The following ANKFN1 variants were observed in gnomAD, a reference collection of about 807,000 sequenced individuals.
ANKFN1 encodes ankyrin repeat and fibronectin type III domain containing 1, also known as ankyrin repeat and fibronectin type-III domain-containing protein 1.
Under a neutral mutation model 108.7 loss-of-function variants are expected in ANKFN1, and 74 were observed. The observed-to-expected ratio is 0.68, with a 90% CI of 0.56 to 0.83. ANKFN1 has a LOEUF of 0.83. Ranked by LOEUF, ANKFN1 falls within the 40% of genes least tolerant of loss-of-function variation. ANKFN1 has a pLI of 0.00. For synonymous variants in ANKFN1, 547 were observed against 516.2 expected (o/e 1.06, Z -0.81); for missense variants, 1,505 against 1,382.3 (o/e 1.09, Z -1.41).
chr17:56,211,975 A>G (rs1915051448), intron 1 of ANKFN1, among the ~76,000 whole-genome samples: 1 of 151,962 alleles, frequency 6.6e-6, no homozygotes, highest in Admixed American at 6.6e-5. Flanking sequence ...TTCTGAATTC[A>G]CTTACCAGTT....
chr17:56,264,378 C>A (rs1206319193), intron 3 of ANKFN1, among the ~76,000 whole-genome samples: 1 of 152,196 alleles, frequency 6.6e-6, no homozygotes, highest in Non-Finnish European at 1.5e-5. Flanking sequence ...ATCTTTTGTG[C>A]ATCACAAGCC....
intron 1 of ANKFN1, among the ~76,000 whole-genome samples, chr17:56,171,568 C>T (rs942090942): frequency 5.3e-5 from 8 of 152,234 alleles, no homozygotes; most frequent in African/African-American, 9.6e-5. Context: ...CCATAAACAG[C>T]GTGGGTGAAC....
At chr17:56,392,373 AC>A (rs1324997176) in intron 8 of ANKFN1, among the ~76,000 whole-genome samples, 1 of 152,180 alleles carries the variant, frequency 6.6e-6, no homozygotes, top group Non-Finnish European at 1.5e-5. Flanking sequence ...TATCCTGTTC[AC>A]GATGGCAAGC....
At chr17:56,385,706 A>G (rs1433303420) in intron 8 of ANKFN1, among the ~76,000 whole-genome samples, 1 of 152,242 alleles carries the variant, frequency 6.6e-6, no homozygotes, top group Non-Finnish European at 1.5e-5. Context: ...TGTAGCCAAA[A>G]AACACATGAA....
chr17:56,383,816 T>G (rs1207126989), intron 8 of ANKFN1, among the ~76,000 whole-genome samples: 1 of 152,138 alleles, frequency 6.6e-6, no homozygotes, highest in Non-Finnish European at 1.5e-5. Context: ...AATAACAGGC[T>G]CTGAAATTGT....
At chr17:56,070,949 T>C (rs1298431044) in intron 4 of ANKFN1, among the ~76,000 whole-genome samples, 1 of 152,030 alleles carries the variant, frequency 6.6e-6, no homozygotes, top group East Asian at 1.9e-4. Context: ...TTGGCCAGGA[T>C]GGTCTCGATC....
At chr17:56,425,771 G>T (rs747114170) in intron 8 of ANKFN1, among the ~76,000 whole-genome samples, 10 of 152,148 alleles carry the variant, frequency 6.6e-5, no homozygotes, top group Admixed American at 1.3e-4. Flanking sequence ...GACTGTTTAG[G>T]GTGACCCTAA....
intron 4 of ANKFN1, among the ~76,000 whole-genome samples, chr17:56,116,374 G>A (rs1027932361): frequency 1.3e-5 from 2 of 152,132 alleles, no homozygotes; most frequent in East Asian, 1.9e-4. Context: ...ACAAAAGGTA[G>A]TATTGTTTGC....
chr17:56,288,532 G>A (rs1046373325), intron 3 of ANKFN1, among the ~76,000 whole-genome samples: 5 of 151,980 alleles, frequency 3.3e-5, no homozygotes, highest in Non-Finnish European at 7.4e-5. Context: ...AAAGATAAAA[G>A]TATATGTTGG....
chr17:56,252,684 G>A (rs770003085), intron 3 of ANKFN1, among the ~76,000 whole-genome samples: 2 of 149,044 alleles, frequency 1.3e-5, no homozygotes, highest in East Asian at 2.0e-4. Context: ...AGAGTGAGGT[G>A]GGGGGATTGC....
At chr17:56,343,822 T>G (rs1409330354) in intron 4 of ANKFN1, among the ~76,000 whole-genome samples, 2 of 152,022 alleles carry the variant, frequency 1.3e-5, no homozygotes. Flanking sequence ...TGTTTGCTGA[T>G]TCTTTCCTCT....
At chr17:56,232,995 G>C (rs1245474670) in intron 3 of ANKFN1, among the ~76,000 whole-genome samples, 2 of 152,048 alleles carry the variant, frequency 1.3e-5, no homozygotes, top group Non-Finnish European at 2.9e-5. Context: ...GAGCAAATTA[G>C]ATTACCTTGT....
chr17:56,096,001 C>T (rs1455918765), intron 4 of ANKFN1, among the ~76,000 whole-genome samples: 2 of 152,088 alleles, frequency 1.3e-5, no homozygotes, highest in East Asian at 1.9e-4. Flanking sequence ...TGACCTTGAA[C>T]GATTTTACCT....
rs2046308872 is a variant in ANKFN1 at position 56,353,840 on chromosome 17, TC to T, written c.397del (p.Gln133ArgfsTer40). 2 of 1,613,804 alleles carry T rather than the reference TC, an allele frequency of 1.2e-6. No individual in the cohort carries two copies. Among genetic ancestry groups the T allele is most frequent in the South Asian group, 2.2e-5 (2 of 91,090 alleles). On this transcript the variant is annotated frameshift_variant, in exon 6 of 21. Coordinates refer to ENST00000682825, the MANE Select transcript of ANKFN1 (RefSeq NM_001370326.1). LOFTEE classifies it high-confidence loss of function. ...RLSLRKTSVN[F>X]QGNEAMFEAV... ...TCTACTTTTGCTCCTCTCTAGAATT[TC>T]CAGGGCAATGAAGCCATGTTTGAGG...
At chr17:56,104,672 A>G (rs935439755) in intron 4 of ANKFN1, among the ~76,000 whole-genome samples, 1 of 152,202 alleles carries the variant, frequency 6.6e-6, no homozygotes, top group African/African-American at 2.4e-5. Flanking sequence ...TGACAAATAC[A>G]AGACAGATAG....
At chr17:56,455,010 G>A (rs1289340573) in intron 11 of ANKFN1, among the ~76,000 whole-genome samples, 1 of 152,044 alleles carries the variant, frequency 6.6e-6, no homozygotes, top group Non-Finnish European at 1.5e-5. Context: ...TTTTGAACAG[G>A]CTTTCACAAA....
intron 8 of ANKFN1, among the ~76,000 whole-genome samples, chr17:56,408,395 A>T (rs913215213): frequency 6.6e-6 from 1 of 152,080 alleles, no homozygotes; most frequent in Non-Finnish European, 1.5e-5. Context: ...ACTCTAGTTA[A>T]CTCTGGGTTC....
At chr17:56,416,096 A>G (rs543395331) in intron 8 of ANKFN1, among the ~76,000 whole-genome samples, 3 of 152,230 alleles carry the variant, frequency 2.0e-5, no homozygotes, top group Non-Finnish European at 4.4e-5. Context: ...TAAGACCTAA[A>G]CTATGAAATT....
At chr17:56,171,857 T>C (rs956789196) in intron 1 of ANKFN1, among the ~76,000 whole-genome samples, 3 of 152,200 alleles carry the variant, frequency 2.0e-5, no homozygotes, top group Non-Finnish European at 4.4e-5. Flanking sequence ...AAGAAACTCC[T>C]AGCTAGCAGG....
Sources: allele counts gnomAD v4.1 joint callset (sites outside exome capture counted in the v4.1 genomes callset), GRCh38; gene constraint gnomAD v4.1.1; transcripts MANE v1.5; gene names NCBI Gene and HGNC (gene_info 2026-07-23, HGNC 2026-07-21).